The following PRELID2 variants were observed in gnomAD, a reference collection of about 807,000 sequenced individuals.
PRELID2 encodes PRELI domain containing 2.
In PRELID2, 25 loss-of-function variants were observed where a neutral mutation model predicts 28.4. The observed-to-expected ratio is 0.88, with a 90% CI of 0.64 to 1.23. The LOEUF is 1.23. Ranked by LOEUF, PRELID2 falls within the 50% of genes most tolerant of loss-of-function variation. PRELID2 has a pLI of 0.00. For synonymous variants in PRELID2, 76 were observed against 71.6 expected, an observed-to-expected ratio of 1.06 and a Z score of -0.31; for missense variants, 201 against 214.4, an observed-to-expected ratio of 0.94 and a Z score of 0.39.
chr5:145,811,663 G>A (rs1371366712), intron 4 of PRELID2, among the ~76,000 whole-genome samples: 1 of 152,170 alleles, frequency 6.6e-6, no homozygotes, highest in African/African-American at 2.4e-5. Context: ...TGCAGGCCTG[G>A]AGGGAGTCAG....
intron 1 of PRELID2, among the ~76,000 whole-genome samples, chr5:145,741,371 TAA>T (rs1430657601): frequency 1.7e-5 from 2 of 115,664 alleles, no homozygotes; most frequent in African/African-American, 7.0e-5. Flanking sequence ...TATTTATATA[TAA>T]ATTTTATTTA....
At chr5:145,739,644 CTGA>C (rs79105766) in intron 1 of PRELID2, among the ~76,000 whole-genome samples, 120,155 of 151,676 alleles carry the variant, frequency 0.79, 48,499 homozygotes, top group East Asian at 0.88. Flanking sequence ...ACAACATTCT[CTGA>C]TGTGGTCCCA....
the PRELID2 span, among the ~76,000 whole-genome samples, chr5:145,307,375 C>G: frequency 0.023 from 3,467 of 152,248 alleles, 133 homozygotes; most frequent in African/African-American, 0.077. Flanking sequence ...TAGGGTTGGA[C>G]AGAGCCAAGT....
chr5:145,797,261 T>G (rs959253235), intron 4 of PRELID2, among the ~76,000 whole-genome samples: 1 of 152,014 alleles, frequency 6.6e-6, no homozygotes, highest in Non-Finnish European at 1.5e-5. Flanking sequence ...ACAAACCAAA[T>G]TGCCTTTATG....
At chr5:145,310,845 T>G in the PRELID2 span, among the ~76,000 whole-genome samples, 1 of 152,146 alleles carries the variant, frequency 6.6e-6, no homozygotes, top group Non-Finnish European at 1.5e-5. Context: ...GGTGGAAGTT[T>G]CTTTCATCTC....
At chr5:145,309,264 TG>T in the PRELID2 span, among the ~76,000 whole-genome samples, 2 of 152,096 alleles carry the variant, frequency 1.3e-5, no homozygotes, top group Non-Finnish European at 2.9e-5. Context: ...AGAAGGACAT[TG>T]CTGGAGAACA....
intron 1 of PRELID2, among the ~76,000 whole-genome samples, chr5:145,593,544 G>A (rs997949289): frequency 6.6e-6 from 1 of 152,040 alleles, no homozygotes; most frequent in East Asian, 1.9e-4. Flanking sequence ...AACATTATAG[G>A]CAACTTTTGA....
the PRELID2 span, among the ~76,000 whole-genome samples, chr5:145,264,702 G>A: frequency 7.2e-5 from 11 of 152,048 alleles, no homozygotes; most frequent in South Asian, 4.1e-4. Flanking sequence ...AGCCAGGCAC[G>A]GTGGCTCATG....
intron 1 of PRELID2, among the ~76,000 whole-genome samples, chr5:145,635,501 T>G (rs1753988018): frequency 6.6e-6 from 1 of 152,222 alleles, no homozygotes; most frequent in Non-Finnish European, 1.5e-5. Context: ...TATTACATGG[T>G]GGATATTAGC....
At chr5:145,535,473 A>G (rs775008242) in intron 1 of PRELID2, among the ~76,000 whole-genome samples, 3 of 151,850 alleles carry the variant, frequency 2.0e-5, no homozygotes, top group Admixed American at 1.3e-4. Flanking sequence ...TAGGCACATA[A>G]CAGTAGGTTT....
the PRELID2 span, among the ~76,000 whole-genome samples, chr5:145,337,275 T>C: frequency 6.6e-6 from 1 of 152,068 alleles, no homozygotes; most frequent in African/African-American, 2.4e-5. Flanking sequence ...AAAACTGAGA[T>C]GGTTTTTTGA....
chr5:145,729,289 C>CA (rs758435119), intron 1 of PRELID2: 7 of 1,056,436 alleles, frequency 6.6e-6, no homozygotes, highest in Non-Finnish European at 7.1e-6. Flanking sequence ...TTCCACAACT[C>CA]AAACAAATAT....
the PRELID2 span, among the ~76,000 whole-genome samples, chr5:145,276,381 A>AAATATTTTGT: frequency 1.3e-5 from 2 of 152,088 alleles, no homozygotes; most frequent in African/African-American, 4.8e-5. Flanking sequence ...CTGTTGTTTC[A>AAATATTTTGT]CATGGTCACA....
intron 1 of PRELID2, among the ~76,000 whole-genome samples, chr5:145,834,270 AG>A (rs1012226541): frequency 6.6e-6 from 1 of 152,288 alleles, no homozygotes. Flanking sequence ...GAGAGACAAG[AG>A]TATAGGACTT....
intron 5 of PRELID2, among the ~76,000 whole-genome samples, chr5:145,767,169 G>A (rs891003729): frequency 7.7e-6 from 1 of 130,054 alleles, no homozygotes; most frequent in Non-Finnish European, 1.6e-5. Flanking sequence ...AGGCCCCACT[G>A]GTGGAGTGGC....
At chr5:145,645,366 G>GTTTTTTTTTTTTTTTTTTT (rs1754179953) in intron 1 of PRELID2, among the ~76,000 whole-genome samples, 1 of 42,684 alleles carries the variant, frequency 2.3e-5, no homozygotes, top group African/African-American at 1.4e-4. Flanking sequence ...TTTTTTTTTG[G>GTTTTTTTTTTTTTTTTTTT]CTTTTTGCTT....
In PRELID2 at chr5:145,702,807, C is replaced by A. The variant is rs556972494; in HGVS notation, n.70+62124G>T. On this transcript the variant is annotated intron_variant and non_coding_transcript_variant, in intron 1 of 2. Transcript: ENST00000510259. ...TCAAGACTCCCTACCTACCAGGGCA[C>A]CCCTAATAAAACTTCAGCAGCCAAA... 8.5e-5 allele frequency among the ~76,000 whole-genome samples: 13 copies of A among 152,206 alleles called. No homozygotes were observed. In the South Asian group the frequency reaches 2.7e-3, roughly 32 times the overall value.
the PRELID2 span, among the ~76,000 whole-genome samples, chr5:145,344,040 A>C: frequency 6.6e-6 from 1 of 151,924 alleles, no homozygotes; most frequent in Non-Finnish European, 1.5e-5. Context: ...GGAAAATCCC[A>C]GGACCGGAGG....
the PRELID2 span, among the ~76,000 whole-genome samples, chr5:145,321,430 C>T: frequency 1.3e-5 from 2 of 152,220 alleles, no homozygotes; most frequent in Non-Finnish European, 2.9e-5. Context: ...CTGAAAGACT[C>T]TGCACATGTA....
Sources: allele counts gnomAD v4.1 joint callset (sites outside exome capture counted in the v4.1 genomes callset), GRCh38; gene constraint gnomAD v4.1.1; transcripts MANE v1.5; gene names NCBI Gene and HGNC (gene_info 2026-07-23, HGNC 2026-07-21).